The following WDR70 variants were observed in gnomAD, a reference collection of about 807,000 sequenced individuals.
WDR70 encodes WD repeat-containing protein 70.
A neutral mutation model predicts 88.6 loss-of-function variants in WDR70; 53 were observed. That is an observed-to-expected ratio of 0.60 (90% CI 0.48 to 0.75). WDR70 has a LOEUF of 0.75. WDR70 is among the 30% of genes least tolerant of loss of function. The pLI is 0.00. For missense variants in WDR70, 610 were observed against 823.2 expected, an observed-to-expected ratio of 0.74 and a Z score of 3.17; for synonymous variants, 280 against 270.0, an observed-to-expected ratio of 1.04 and a Z score of -0.36.
At chr5:37,379,821 T>C (rs1042065415) in intron 2 of WDR70, among the ~76,000 whole-genome samples, 6 of 152,246 alleles carry the variant, frequency 3.9e-5, no homozygotes, top group Non-Finnish European at 8.8e-5. Flanking sequence ...ATGAACATTT[T>C]TGTAAATAAC....
chr5:37,710,345 C>T (rs961785964), intron 13 of WDR70, among the ~76,000 whole-genome samples: 2 of 152,010 alleles, frequency 1.3e-5, no homozygotes, highest in African/African-American at 4.8e-5. Context: ...TGCTATCCCT[C>T]TATAGTCACA....
chr5:37,628,114 G>A (rs962248687), intron 10 of WDR70, among the ~76,000 whole-genome samples: 4 of 152,170 alleles, frequency 2.6e-5, no homozygotes, highest in African/African-American at 9.7e-5. Context: ...TGTAGAGACA[G>A]AGTTTCACTA....
At chr5:37,484,756 G>A (rs1268832269) in intron 8 of WDR70, among the ~76,000 whole-genome samples, 1 of 152,206 alleles carries the variant, frequency 6.6e-6, no homozygotes, top group African/African-American at 2.4e-5. Flanking sequence ...TCTTGGCTTG[G>A]TGAGGCTGCA....
chr5:37,434,975 T>TA (rs769089171), intron 5 of WDR70, among the ~76,000 whole-genome samples: 9 of 152,242 alleles, frequency 5.9e-5, no homozygotes, highest in Admixed American at 2.6e-4. Flanking sequence ...CATCAAGTGA[T>TA]ATGCTACCAA....
intron 5 of WDR70, among the ~76,000 whole-genome samples, chr5:37,404,718 AT>A (rs1749300551): frequency 6.6e-6 from 1 of 152,094 alleles, no homozygotes; most frequent in Non-Finnish European, 1.5e-5. Flanking sequence ...ATCAAATTTA[AT>A]TAATTTATTT....
intron 17 of WDR70, among the ~76,000 whole-genome samples, chr5:37,736,613 G>GTTTT (rs10718548): frequency 7.4e-5 from 10 of 134,568 alleles, no homozygotes; most frequent in Non-Finnish European, 9.8e-5. Context: ...GGTGTATGTA[G>GTTTT]TTTTTTTTTT....
chr5:37,693,263 A>G (rs1347159390), intron 10 of WDR70, among the ~76,000 whole-genome samples: 2 of 152,244 alleles, frequency 1.3e-5, no homozygotes, highest in African/African-American at 4.8e-5. Flanking sequence ...AAGAATCAAT[A>G]TCATGAAAAT....
At chr5:37,677,020 A>G (rs1363605387) in intron 10 of WDR70, among the ~76,000 whole-genome samples, 8 of 152,230 alleles carry the variant, frequency 5.3e-5, no homozygotes, top group African/African-American at 1.7e-4. Context: ...GTTTATTTGC[A>G]TAGAGGTGTT....
chr5:37,480,970 G>C (rs927239183), intron 8 of WDR70, among the ~76,000 whole-genome samples: 2 of 152,168 alleles, frequency 1.3e-5, no homozygotes, highest in Non-Finnish European at 1.5e-5. Context: ...TGGCCAAAGC[G>C]AAAGAGCTAC....
chr5:37,454,336 A>G (rs1738767936), intron 7 of WDR70, among the ~76,000 whole-genome samples: 1 of 152,170 alleles, frequency 6.6e-6, no homozygotes, highest in African/African-American at 2.4e-5. Flanking sequence ...AAATAAAAAT[A>G]TGTATTCTGA....
intron 9 of WDR70, among the ~76,000 whole-genome samples, chr5:37,563,058 C>T (rs1165831529): frequency 0.021 from 1,860 of 87,340 alleles, 80 homozygotes; most frequent in African/African-American, 0.073. Flanking sequence ...CCGGACGGGG[C>T]GGCTGGCCGG....
intron 9 of WDR70, among the ~76,000 whole-genome samples, chr5:37,578,163 T>C (rs1743112998): frequency 6.6e-6 from 1 of 152,150 alleles, no homozygotes; most frequent in African/African-American, 2.4e-5. Flanking sequence ...TAAGGCTGCA[T>C]AGAAAATGTG....
intron 10 of WDR70, among the ~76,000 whole-genome samples, chr5:37,649,942 T>A (rs1173858588): frequency 1.5e-5 from 2 of 137,632 alleles, no homozygotes; most frequent in East Asian, 2.2e-4. Flanking sequence ...TTTCACTGTG[T>A]TAGCCAGGAT....
At chr5:37,485,858 ATTTTTTTTTTTTTTTTTTTTTTT>A (rs57109943) in intron 8 of WDR70, among the ~76,000 whole-genome samples, 2 of 108,288 alleles carry the variant, frequency 1.8e-5, no homozygotes, top group African/African-American at 7.9e-5. Context: ...TGCCTGGCTA[ATTTTTTTTTTTTTTTTTTTTTTT>A]TTTTTGTATT....
intron 9 of WDR70, among the ~76,000 whole-genome samples, chr5:37,523,868 T>C (rs538717826): frequency 6.6e-6 from 1 of 152,094 alleles, no homozygotes; most frequent in Admixed American, 6.5e-5. Context: ...TCAACTGGAA[T>C]AAAGGGTATC....
At chr5:37,525,908 A>T (rs563713523) in intron 9 of WDR70, among the ~76,000 whole-genome samples, 117 of 152,344 alleles carry the variant, frequency 7.7e-4, no homozygotes, top group Middle Eastern at 3.4e-3. Flanking sequence ...TCCTGGACAC[A>T]TACACCCTCC....
chr5:37,526,087 C>T (rs184114909), intron 9 of WDR70, among the ~76,000 whole-genome samples: 7 of 152,176 alleles, frequency 4.6e-5, no homozygotes, highest in African/African-American at 1.2e-4. Flanking sequence ...CTTCTGAAAC[C>T]GTTCGAATCA....
chr5:37,575,301 A>C (rs1433884612), intron 9 of WDR70, among the ~76,000 whole-genome samples: 1 of 152,132 alleles, frequency 6.6e-6, no homozygotes, highest in Non-Finnish European at 1.5e-5. Context: ...TTTCTGGGTG[A>C]TGGGATGATG....
At chr5:37,493,881 T>TAG (rs1232909546) in intron 8 of WDR70, among the ~76,000 whole-genome samples, 2 of 151,122 alleles carry the variant, frequency 1.3e-5, no homozygotes, top group Non-Finnish European at 2.9e-5. Context: ...CGCAGTGGCG[T>TAG]GATCTCTGCT....
Sources: gnomAD v4.1 joint callset for allele counts (sites outside exome capture counted in the v4.1 genomes callset) on GRCh38, gnomAD v4.1.1 for gene constraint, MANE v1.5 for transcripts, NCBI Gene and HGNC (gene_info 2026-07-23, HGNC 2026-07-21) for gene names.